The following NUP85 variants were observed in gnomAD, a reference collection of about 807,000 sequenced individuals.
The protein encoded by NUP85 is nuclear pore complex protein Nup85.
Under a neutral mutation model 92.8 loss-of-function variants are expected in NUP85, and 23 were observed. The observed-to-expected ratio is 0.25, with a 90% confidence interval of 0.18 to 0.35. NUP85 has a LOEUF of 0.35. Among genes scored for constraint, NUP85 ranks in the 10% least tolerant of loss-of-function variants. NUP85 has a pLI of 1.00. For synonymous variants in NUP85, 314 were observed against 306.9 expected (o/e 1.02, Z -0.24); for missense variants, 759 against 822.8 (o/e 0.92, Z 0.95).
At chr17:75,206,687 G>A (rs2075091378) in intron 1 of NUP85, among the ~76,000 whole-genome samples, 1 of 151,948 alleles carries the variant, frequency 6.6e-6, no homozygotes, top group Non-Finnish European at 1.5e-5. Flanking sequence ...GTAGGTAGAG[G>A]GATTATGGTT....
At chr17:75,218,622 G>T (rs1374116261) in intron 7 of NUP85, among the ~76,000 whole-genome samples, 1 of 116,526 alleles carries the variant, frequency 8.6e-6, no homozygotes, top group Non-Finnish European at 1.7e-5. Flanking sequence ...CAGGGTCTCG[G>T]CTGGGTGCGG....
At chr17:75,228,190 A>G (rs193163455) in intron 11 of NUP85, 1 of 985,246 alleles carries the variant, frequency 1.0e-6, no homozygotes, top group African/African-American at 1.7e-5. Context: ...TGAGCAGAAG[A>G]AGTCTGTTGG....
In NUP85 at chr17:75,218,316, G is replaced by C. The variant is rs369087501; in HGVS notation, c.597+10G>C. ...CAGCTTCTGGAACTTGGTAAGACAGGCCGGGCCCCCACCTCCCACCATGTG... is the reference window on the plus strand; with the variant it reads ...CAGCTTCTGGAACTTGGTAAGACAGCCCGGGCCCCCACCTCCCACCATGTG... On this transcript the variant is annotated intron_variant, in intron 7 of 18. Transcript: ENST00000245544. 1 of 1,612,356 alleles carries C rather than the reference G, an allele frequency of 6.2e-7. No individual in the cohort carries two copies. Among genetic ancestry groups the C allele is most frequent in the Non-Finnish European group, 8.5e-7 (1 of 1,179,050 alleles).
chr17:75,218,513 C>T (rs1019858990), intron 7 of NUP85, among the ~76,000 whole-genome samples: 4 of 149,982 alleles, frequency 2.7e-5, no homozygotes, highest in Admixed American at 6.7e-5. Flanking sequence ...GCTTTGAAGA[C>T]TTTTCCAGGG....
chr17:75,206,814 C>A (rs1014248096), intron 1 of NUP85, among the ~76,000 whole-genome samples: 2 of 151,934 alleles, frequency 1.3e-5, no homozygotes, highest in African/African-American at 4.8e-5. Flanking sequence ...TCTCCTGCCT[C>A]AGCCTCCTGA....
Position 75,231,972 on chromosome 17 carries a change from T to G in NUP85, c.1389T>G (p.Thr463=). ...GGATCTGTGAGCAGCGGCAGATGAC[T>G]GAACAAGGTGAGCTGGCCCTGCTCC... ...VLRICEQRQM[T]EQVRSICKIL... is the part of the protein sequence containing the mutation. The change falls in exon 14 of 19, where the codon ACT becomes ACG. Residue 463 remains threonine, a synonymous_variant. Transcript: ENST00000245544. The surrounding 1 kb of genome is among the most constrained non-coding windows in gnomAD (Gnocchi z 4.6). 6.2e-7 allele frequency: 1 copy of G among 1,614,100 alleles called. No individual in the cohort carries two copies. The highest frequency in any genetic ancestry group is 8.5e-7 in the Non-Finnish European group (1 of 1,180,018).
intron 7 of NUP85, among the ~76,000 whole-genome samples, chr17:75,220,151 GTC>G (rs1342363332): frequency 7.9e-5 from 12 of 152,164 alleles, no homozygotes; most frequent in African/African-American, 2.9e-4. Flanking sequence ...TTGAGACAGA[GTC>G]TCTCTCTGTC....
chr17:75,212,470 T>G (rs1436770817), intron 4 of NUP85, among the ~76,000 whole-genome samples: 1 of 1,600 alleles, frequency 6.3e-4, no homozygotes, highest in African/African-American at 2.3e-3. Context: ...GTGCCTGGAG[T>G]TTTTTTTTTT....
chr17:75,210,018 C>T, intron 3 of NUP85, 33 bp downstream of exon 3: 1 of 1,574,404 alleles, frequency 6.4e-7, no homozygotes, highest in South Asian at 1.2e-5. Flanking sequence ...TTGAAGCCCA[C>T]ACTACACTGT....
chr17:75,218,222 G>A lies in NUP85; in HGVS notation c.513G>A (p.Arg171=). The change falls in exon 7 of 19, where the codon CGG becomes CGA. Residue 171 remains arginine, a synonymous_variant. Coordinates refer to ENST00000245544, the MANE Select transcript of NUP85 (RefSeq NM_024844.5). ...TCCTCCATCTCCTTGACTGGGTCCG[G>A]CTCCATGTGTGCGAGGTGGACAGTT... is the stretch of plus-strand genomic sequence containing the variant. ...PLLLHLLDWV[R]LHVCEVDSLS... is the part of the protein sequence containing the mutation. The A allele has an allele frequency of 6.2e-7, 1 of 1,613,970 alleles. No individual in the cohort carries two copies.
At chr17:75,215,584 A>G (rs947435080) in intron 5 of NUP85, among the ~76,000 whole-genome samples, 170 bp from the exon 6 acceptor site, 1 of 152,212 alleles carries the variant, frequency 6.6e-6, no homozygotes, top group African/African-American at 2.4e-5. Context: ...CCATCCCACC[A>G]CCTAACATCC....
Position 75,225,196 on chromosome 17 carries a change from C to A in NUP85, c.691C>A (p.Arg231=), listed in dbSNP as rs1167157231. ...DASPASAGIC[R]IMGDLMRTMP... ...CAGCCCCGCCTCTGCAGGCATATGC[C>A]GAATCATGGGGGACCTGATGAGGAC... The change falls in exon 8 of 19, where the codon CGA becomes AGA. Residue 231 remains arginine (R), a synonymous_variant. Transcript: ENST00000245544. 2.5e-6 allele frequency: 4 copies of A among 1,609,686 alleles called. No individual in the cohort carries two copies. The East Asian group carries it at 6.7e-5, about 27-fold the overall frequency.
At chr17:75,222,732 T>TAA (rs1366944822) in intron 7 of NUP85, among the ~76,000 whole-genome samples, 1 of 151,950 alleles carries the variant, frequency 6.6e-6, no homozygotes, top group Admixed American at 6.6e-5. Flanking sequence ...CATAATATTG[T>TAA]TGAATCATTA....
At chr17:75,208,355 GA>G in intron 1 of NUP85, 171 bp from the exon 2 acceptor site, 1 of 604,620 alleles carries the variant, frequency 1.7e-6, no homozygotes, top group South Asian at 2.1e-5. Context: ...TGAGGCAGGA[GA>G]AGCCTTTGAA....
chr17:75,228,466 A>G (rs1370739934), intron 11 of NUP85: 9 of 985,360 alleles, frequency 9.1e-6, no homozygotes, highest in Non-Finnish European at 1.1e-5. Context: ...ACAGAAAAGC[A>G]GAGCTTGTCC....
chr17:75,221,876 G>A (rs187084619), intron 7 of NUP85, among the ~76,000 whole-genome samples: 2 of 152,246 alleles, frequency 1.3e-5, no homozygotes, highest in Admixed American at 1.3e-4. Flanking sequence ...AGATGGTGGT[G>A]GTGTAGGCTA....
Position 75,232,877 on chromosome 17 carries a change from A to C in NUP85, c.1423A>C (p.Met475Leu). 1.2e-6 allele frequency: 2 copies of C among 1,614,232 alleles called. No homozygotes were observed. The highest frequency in any genetic ancestry group is 1.7e-6 in the Non-Finnish European group (2 of 1,180,040). ...TCGCAGCATTTGTAAGATCTTAGCCATGAAAGCCGTCCGCAACAATCGCCT... is the reference window on the plus strand; with the variant it reads ...TCGCAGCATTTGTAAGATCTTAGCCCTGAAAGCCGTCCGCAACAATCGCCT... The part of the protein sequence containing the change: ...QVRSICKILA[M>L]KAVRNNRLGS... The change falls in exon 15 of 19, where the codon ATG (methionine) becomes CTG (leucine). Residue 475 changes from methionine (M) to leucine (L), a missense_variant. Met to Leu is a conservative substitution (Grantham distance 15). Coordinates refer to ENST00000245544, the MANE Select transcript of NUP85 (RefSeq NM_024844.5).
intron 11 of NUP85, chr17:75,229,099 C>T (rs1409598035): frequency 4.1e-6 from 4 of 985,328 alleles, no homozygotes; most frequent in Admixed American, 1.2e-4. Flanking sequence ...TTCCTGGTGC[C>T]CTTCAAGTCC....
At position 75,231,238 on chromosome 17, in the gene NUP85, C is replaced by CT; in HGVS notation, c.1095-99dup. The CT allele has an allele frequency of 8.8e-7, 1 of 1,135,716 alleles. No homozygotes were observed. The highest frequency in any genetic ancestry group is 1.3e-6 in the Non-Finnish European group (1 of 757,592). 70.4% of individuals were successfully genotyped at this position (1,135,716 alleles called of 1,614,324 possible). A position where few individuals can be genotyped will look rare whatever the true frequency, so the allele number is the denominator to read the frequency against. ...GCTATCATCACGCCCGGCCCCATCT[C>CT]TTTGAGGGACAGGACATGTGGGGTT... is the stretch of plus-strand genomic sequence containing the variant. On this transcript the variant is annotated intron_variant, in intron 11 of 18. Transcript: ENST00000245544. This position sits in a 1 kb window ranked among gnomAD's most constrained non-coding sequence, Gnocchi z 4.6.
Sources: allele counts gnomAD v4.1 joint callset (sites outside exome capture counted in the v4.1 genomes callset), GRCh38; gene constraint gnomAD v4.1.1; non-coding constraint Gnocchi (gnomAD v3.1); transcripts MANE v1.5; gene names NCBI Gene and HGNC (gene_info 2026-07-23, HGNC 2026-07-21).